The following PPARGC1A variants were observed in gnomAD, a reference collection of about 807,000 sequenced individuals.
PPARGC1A encodes the protein peroxisome proliferator-activated receptor gamma coactivator 1-alpha.
A neutral mutation model predicts 88.7 loss-of-function variants in PPARGC1A; 25 were observed. The ratio of observed to expected loss-of-function variants is 0.28; its 90% CI spans 0.21 to 0.39. The LOEUF (loss-of-function observed/expected upper bound fraction) is 0.39. PPARGC1A is among the 10% of genes least tolerant of loss of function. PPARGC1A has a pLI of 1.00. For synonymous variants in PPARGC1A, 363 were observed against 355.6 expected, an observed-to-expected ratio of 1.02 and a Z score of -0.24; for missense variants, 880 against 968.7, an observed-to-expected ratio of 0.91 and a Z score of 1.22.
the PPARGC1A span, among the ~76,000 whole-genome samples, chr4:24,123,882 G>A: frequency 7.0e-6 from 1 of 142,112 alleles, no homozygotes; most frequent in Non-Finnish European, 1.5e-5. Flanking sequence ...CCTTTGCTAA[G>A]CTTGATTCCT....
At chr4:24,311,323 G>A in the PPARGC1A span, among the ~76,000 whole-genome samples, 3 of 146,118 alleles carry the variant, frequency 2.1e-5, no homozygotes, top group Admixed American at 6.8e-5. Flanking sequence ...GGATGGTCTC[G>A]ATCTCCTGAC....
upstream of PPARGC1A, among the ~76,000 whole-genome samples, chr4:23,905,087 G>A (rs182133984): frequency 4.3e-4 from 66 of 152,216 alleles, no homozygotes; most frequent in African/African-American, 1.2e-3. Flanking sequence ...AGTTCTTTTC[G>A]ACTTCAGAAT....
the PPARGC1A span, among the ~76,000 whole-genome samples, chr4:24,108,040 G>A: frequency 6.6e-6 from 1 of 152,224 alleles, no homozygotes; most frequent in Non-Finnish European, 1.5e-5. Flanking sequence ...TTTCTATGGA[G>A]AAGGCAGTTG....
the PPARGC1A span, among the ~76,000 whole-genome samples, chr4:24,063,190 T>G: frequency 6.6e-6 from 1 of 152,184 alleles, no homozygotes; most frequent in South Asian, 2.1e-4. Flanking sequence ...AACTGTCCAC[T>G]ATGCCCCAGC....
the PPARGC1A span, among the ~76,000 whole-genome samples, chr4:24,264,921 A>C: frequency 6.6e-6 from 1 of 152,242 alleles, no homozygotes; most frequent in Non-Finnish European, 1.5e-5. Context: ...AGAAACAACA[A>C]AGAAGTGAGG....
At chr4:23,825,180 C>T (rs566387117) in intron 5 of PPARGC1A, 74 of 152,142 alleles carry the variant, frequency 4.9e-4, no homozygotes, top group African/African-American at 1.4e-3. Context: ...CTACAGGAGG[C>T]ATTTCCCAAT....
intron 12 of PPARGC1A, among the ~76,000 whole-genome samples, chr4:23,798,242 C>T (rs768418433): frequency 5.3e-5 from 8 of 152,038 alleles, no homozygotes; most frequent in Non-Finnish European, 1.2e-4. Context: ...CACATGGACA[C>T]GCATGAAAAT....
the PPARGC1A span, among the ~76,000 whole-genome samples, chr4:24,416,496 G>A: frequency 2.0e-5 from 3 of 152,164 alleles, no homozygotes; most frequent in Non-Finnish European, 4.4e-5. Context: ...GAGAAGGGCT[G>A]AGGGCCAGAG....
At chr4:24,355,918 G>A in the PPARGC1A span, among the ~76,000 whole-genome samples, 6 of 152,120 alleles carry the variant, frequency 3.9e-5, no homozygotes, top group Non-Finnish European at 8.8e-5. Context: ...AGTTTACGGC[G>A]GGGCACGATG....
chr4:24,323,462 C>T, the PPARGC1A span, among the ~76,000 whole-genome samples: 1 of 152,324 alleles, frequency 6.6e-6, no homozygotes, highest in South Asian at 2.1e-4. Flanking sequence ...AGTGATTAAC[C>T]CCATGAGTTT....
the PPARGC1A span, among the ~76,000 whole-genome samples, chr4:24,133,634 G>T: frequency 1.3e-5 from 2 of 152,114 alleles, no homozygotes; most frequent in East Asian, 1.9e-4. Flanking sequence ...ATAATTGTAC[G>T]TCCCTCCCTA....
At chr4:24,232,037 T>C in the PPARGC1A span, among the ~76,000 whole-genome samples, 1 of 152,180 alleles carries the variant, frequency 6.6e-6, no homozygotes, top group Non-Finnish European at 1.5e-5. Context: ...TTCAAATACA[T>C]AACCTTTCAG....
At chr4:24,424,653 T>A in the PPARGC1A span, among the ~76,000 whole-genome samples, 1 of 152,320 alleles carries the variant, frequency 6.6e-6, no homozygotes, top group Admixed American at 6.5e-5. Context: ...CTATGTACTT[T>A]AGGTTCCAGT....
chr4:23,917,139 T>C, the PPARGC1A span, among the ~76,000 whole-genome samples: 1 of 152,148 alleles, frequency 6.6e-6, no homozygotes, highest in African/African-American at 2.4e-5. Context: ...TTTTTGACAA[T>C]GAACTCCAAG....
At chr4:23,987,122 T>C in the PPARGC1A span, among the ~76,000 whole-genome samples, 5 of 152,034 alleles carry the variant, frequency 3.3e-5, no homozygotes, top group Non-Finnish European at 5.9e-5. Context: ...AATTTCCTTA[T>C]AGTAGTCCAT....
chr4:24,298,463 A>T, the PPARGC1A span, among the ~76,000 whole-genome samples: 21 of 152,180 alleles, frequency 1.4e-4, no homozygotes, highest in Admixed American at 1.4e-3. Flanking sequence ...TTAAAATAGC[A>T]TCTATTATGT....
intron 8 of PPARGC1A, 66 bp downstream of exon 8, chr4:23,813,623 GT>G (rs1721358275): frequency 8.8e-6 from 12 of 1,367,752 alleles, no homozygotes; most frequent in African/African-American, 3.0e-5. Flanking sequence ...ATTTTTATTT[GT>G]ATTTTATTTT....
chr4:23,858,673 T>C (rs1730644434), intron 2 of PPARGC1A, among the ~76,000 whole-genome samples: 1 of 152,208 alleles, frequency 6.6e-6, no homozygotes, highest in South Asian at 2.1e-4. Flanking sequence ...CACATAGAGA[T>C]GATATGTGAA....
At chr4:23,907,214 C>T (rs1329216899), upstream of PPARGC1A, among the ~76,000 whole-genome samples, 2 of 152,062 alleles carry the variant, frequency 1.3e-5, no homozygotes, top group African/African-American at 4.8e-5. Flanking sequence ...CCATCACCAT[C>T]GCACCTAAAA....
Sources: allele counts gnomAD v4.1 joint callset (sites outside exome capture counted in the v4.1 genomes callset), GRCh38; gene constraint gnomAD v4.1.1; transcripts MANE v1.5; gene names NCBI Gene and HGNC (gene_info 2026-07-23, HGNC 2026-07-21).